The following TDO2 variants were observed in gnomAD, a reference collection of about 807,000 sequenced individuals.
The protein encoded by TDO2 is tryptophan 2,3-dioxygenase, also known as tryptamin 2,3-dioxygenase.
TDO2 carries 63 observed loss-of-function variants against 61.2 expected under a neutral mutation model. The ratio of observed to expected loss-of-function variants is 1.03; its 90% CI spans 0.84 to 1.27. The LOEUF is 1.27. TDO2 is among the 50% of genes most tolerant of loss of function. The probability of loss-of-function intolerance (pLI) is 0.00; values close to 1 mark genes in which losing one functional copy is unlikely to be tolerated. For synonymous variants in TDO2, 183 were observed against 164.0 expected (o/e 1.12, Z -0.89); for missense variants, 494 against 469.5 (o/e 1.05, Z -0.48).
At chr4:155,914,130 A>G (rs1214246104) in intron 7 of TDO2, among the ~76,000 whole-genome samples, 193 bp from the exon 8 acceptor site, 1 of 152,106 alleles carries the variant, frequency 6.6e-6, no homozygotes, top group Non-Finnish European at 1.5e-5. Context: ...AAATAAAAGG[A>G]TAGAACCACT....
chr4:155,917,320 T>C, intron 9 of TDO2, 75 bp from the exon 10 acceptor site: 1 of 1,249,644 alleles, frequency 8.0e-7, no homozygotes. Flanking sequence ...GCCAACTGAT[T>C]GTCAAACTCA....
intron 6 of TDO2, among the ~76,000 whole-genome samples, chr4:155,911,036 G>A (rs1742818255): frequency 6.6e-6 from 1 of 151,964 alleles, no homozygotes; most frequent in South Asian, 2.1e-4. Flanking sequence ...TAATTTCAAA[G>A]TTGCTAAGTA....
intron 6 of TDO2, 65 bp from the exon 7 acceptor site, chr4:155,911,432 G>T: frequency 1.7e-6 from 2 of 1,146,962 alleles, no homozygotes; most frequent in African/African-American, 1.6e-5. Flanking sequence ...GTTTATACAT[G>T]TCGGTTACAA....
intron 6 of TDO2, 81 bp downstream of exon 6, chr4:155,910,292 G>T (rs10517626): frequency 0.13 from 138,603 of 1,101,874 alleles, 11,038 homozygotes; most frequent in African/African-American, 0.33. Context: ...TTTTAAAAAC[G>T]TATATCGAAA....
At chr4:155,917,002 A>G (rs765188118) in intron 9 of TDO2, among the ~76,000 whole-genome samples, 6 of 152,218 alleles carry the variant, frequency 3.9e-5, no homozygotes, top group East Asian at 1.9e-4. Flanking sequence ...AAACAAAAAA[A>G]CAAATAGATG....
At chr4:155,918,497 G>T (rs906202763) in intron 11 of TDO2, among the ~76,000 whole-genome samples, 3 of 152,124 alleles carry the variant, frequency 2.0e-5, no homozygotes, top group Non-Finnish European at 4.4e-5. Context: ...GGACACAAAG[G>T]GTTTAACAGT....
chr4:155,912,547 A>T (rs990541849), intron 7 of TDO2, among the ~76,000 whole-genome samples: 1 of 151,988 alleles, frequency 6.6e-6, no homozygotes, highest in African/African-American at 2.4e-5. Context: ...ATATACCATT[A>T]TGTTTGCTTC....
intron 6 of TDO2, 125 bp downstream of exon 6, chr4:155,910,336 GA>G (rs1165319349): frequency 1.5e-6 from 1 of 660,318 alleles, no homozygotes; most frequent in Non-Finnish European, 2.4e-6. Flanking sequence ...AGGATAGAAA[GA>G]ATTCATAAAA....
chr4:155,917,590 T>C, intron 10 of TDO2, 116 bp downstream of exon 10: 4 of 803,810 alleles, frequency 5.0e-6, no homozygotes, highest in South Asian at 2.0e-5. Context: ...CCTTTGTGTG[T>C]GGGTGCATTC....
chr4:155,910,686 T>G (rs1032469711), intron 6 of TDO2, among the ~76,000 whole-genome samples: 1 of 152,134 alleles, frequency 6.6e-6, no homozygotes, highest in Admixed American at 6.5e-5. Flanking sequence ...GTAAGTAGCC[T>G]TTAGGAATTA....
At chr4:155,916,237 G>C (rs1225798881) in intron 9 of TDO2, among the ~76,000 whole-genome samples, 4 of 139,592 alleles carry the variant, frequency 2.9e-5, no homozygotes, top group East Asian at 4.2e-4. Flanking sequence ...GTGCAATCTC[G>C]GCTCACTGCA....
At chr4:155,905,715 T>C (rs1345165364) in intron 3 of TDO2, 1 of 152,084 alleles carries the variant, frequency 6.6e-6, no homozygotes. Context: ...CTTAAAGAGG[T>C]CTGTGACCCC....
intron 4 of TDO2, among the ~76,000 whole-genome samples, chr4:155,908,476 C>T (rs1202232808): frequency 6.6e-6 from 1 of 152,154 alleles, no homozygotes; most frequent in Non-Finnish European, 1.5e-5. Context: ...CTGCATGAAT[C>T]CACTTCCCAT....
At chr4:155,913,756 C>T (rs1742879885) in intron 7 of TDO2, among the ~76,000 whole-genome samples, 1 of 151,912 alleles carries the variant, frequency 6.6e-6, no homozygotes, top group Non-Finnish European at 1.5e-5. Context: ...AATAATTTTC[C>T]CCAGCTCAAT....
chr4:155,908,508 C>A (rs141943193), intron 4 of TDO2, among the ~76,000 whole-genome samples: 37 of 152,236 alleles, frequency 2.4e-4, no homozygotes, highest in African/African-American at 8.9e-4. Flanking sequence ...GCAACTTTGG[C>A]CCTCAGTAAA....
intron 3 of TDO2, chr4:155,906,775 T>C (rs1353963078): frequency 6.6e-6 from 1 of 152,164 alleles, no homozygotes. Flanking sequence ...ATGTCTACCA[T>C]ACTGCTGTAA....
At position 155,910,151 on chromosome 4, in the gene TDO2, A is replaced by T. The variant is rs1316600600; in HGVS notation, c.558A>T (p.Gly186=). Residue 186 remains glycine, a synonymous_variant, in exon 6 of 12, where the codon GGA becomes GGT. Coordinates refer to ENST00000536354, the MANE Select transcript of TDO2 (RefSeq NM_005651.4). The stretch of plus-strand genomic sequence containing the variant: ...GACATTATCGTGATAACTTCAAAGG[A>T]GAAGAAAATGAACTGCTACTTAAAT... ...NRRHYRDNFK[G]EENELLLKSE... is the part of the protein sequence containing the mutation. The T allele has an allele frequency of 6.3e-7, 1 of 1,598,304 alleles. No individual in the cohort carries two copies. Among genetic ancestry groups the T allele is most frequent in the Admixed American group, 1.8e-5 (1 of 56,494 alleles).
At chr4:155,915,665 T>C (rs1742918281) in intron 8 of TDO2, among the ~76,000 whole-genome samples, 190 bp from the exon 9 acceptor site, 1 of 152,298 alleles carries the variant, frequency 6.6e-6, no homozygotes, top group South Asian at 2.1e-4. Context: ...TTTTTTAAAA[T>C]CCAATGTTAA....
Position 155,909,086 on chromosome 4 carries a change from G to A in TDO2, c.431+72G>A. The A allele has an allele frequency of 2.1e-6, 3 of 1,455,808 alleles. No individual in the cohort carries two copies. In the South Asian group the frequency reaches 4.3e-5, roughly 21 times the overall value. The allele number at this position is 1,455,808 out of a possible 1,614,324, so 90.2% of individuals were successfully genotyped here. On this transcript the variant is annotated intron_variant, in intron 5 of 11. Coordinates refer to ENST00000536354, the MANE Select transcript of TDO2 (RefSeq NM_005651.4). ...CATTTTGGTGGGGTAAAAGCAGCAT[G>A]TGTGTGTTTTGTGCCATGAGGAGCC...
Sources: gnomAD v4.1 joint callset for allele counts (sites outside exome capture counted in the v4.1 genomes callset) on GRCh38, gnomAD v4.1.1 for gene constraint, MANE v1.5 for transcripts, NCBI Gene and HGNC (gene_info 2026-07-23, HGNC 2026-07-21) for gene names.